Variants in GALNT10 observed in about 807,000 individuals in gnomAD.
GALNT10 encodes the protein polypeptide N-acetylgalactosaminyltransferase 10.
GALNT10 carries 41 observed loss-of-function variants against 75.0 expected under a neutral mutation model. That is an observed-to-expected ratio of 0.55 (90% CI 0.43 to 0.71). GALNT10 has a LOEUF of 0.71. GALNT10 is among the 30% of genes least tolerant of loss of function. The pLI is 0.00. For missense variants in GALNT10, 727 were observed against 818.5 expected (o/e 0.89, Z 1.36); for synonymous variants, 302 against 313.0 (o/e 0.96, Z 0.37).
At chr5:154,289,180 C>G (rs1427623372) in intron 1 of GALNT10, among the ~76,000 whole-genome samples, 2 of 152,132 alleles carry the variant, frequency 1.3e-5, no homozygotes, top group African/African-American at 4.8e-5. Flanking sequence ...AGTTGCTCAC[C>G]TTTACTAGGA....
chr5:154,361,306 T>TG (rs11418198), intron 4 of GALNT10, among the ~76,000 whole-genome samples: 11,177 of 152,234 alleles, frequency 0.073, 904 homozygotes, highest in African/African-American at 0.2. Flanking sequence ...ATTCAGTCCC[T>TG]GCTCTGTCAC....
chr5:154,218,359 G>A (rs761137366), intron 1 of GALNT10, among the ~76,000 whole-genome samples: 22 of 152,148 alleles, frequency 1.4e-4, no homozygotes, highest in Admixed American at 6.5e-5. Context: ...GGGATCAATA[G>A]CAGTGAAGAG....
intron 3 of GALNT10, 136 bp from the exon 4 acceptor site, chr5:154,329,436 G>T (rs1477617778): frequency 1.5e-5 from 10 of 661,728 alleles, no homozygotes; most frequent in Non-Finnish European, 2.4e-5. Context: ...TGTGACCAAG[G>T]TATCCCTGGA....
intron 4 of GALNT10, among the ~76,000 whole-genome samples, chr5:154,358,081 G>A (rs956886518): frequency 2.0e-5 from 3 of 152,096 alleles, no homozygotes; most frequent in Non-Finnish European, 2.9e-5. Context: ...ACCTCTACCC[G>A]GCAGTTCACA....
chr5:154,348,151 G>T (rs1445942311), intron 4 of GALNT10, among the ~76,000 whole-genome samples: 1 of 152,220 alleles, frequency 6.6e-6, no homozygotes, highest in Non-Finnish European at 1.5e-5. Flanking sequence ...CACGGCTCAA[G>T]CCCCAAAATA....
intron 3 of GALNT10, among the ~76,000 whole-genome samples, chr5:154,312,897 C>T (rs913900831): frequency 6.6e-6 from 1 of 152,174 alleles, no homozygotes; most frequent in Non-Finnish European, 1.5e-5. Flanking sequence ...TTCCTGCTGT[C>T]ATCCTTGGTT....
chr5:154,278,437 C>G (rs182122868), intron 1 of GALNT10, among the ~76,000 whole-genome samples: 25 of 152,008 alleles, frequency 1.6e-4, no homozygotes, highest in South Asian at 4.1e-4. Flanking sequence ...CTTCAAAGAG[C>G]CTTTAATATG....
At chr5:154,212,967 C>CAA (rs761996348) in intron 1 of GALNT10, among the ~76,000 whole-genome samples, 3 of 28,750 alleles carry the variant, frequency 1.0e-4, no homozygotes, top group Non-Finnish European at 1.7e-4. Context: ...GATTCCATCT[C>CAA]AAAAAAAAAA....
rs986989327 is a variant in GALNT10, at chr5:154,376,925, C to T, written c.754+463C>T. Among the ~76,000 whole-genome samples the T allele has an allele frequency of 6.6e-6, 1 of 152,198 alleles. No individual in the cohort carries two copies. Among genetic ancestry groups the T allele is most frequent in the African/African-American group, 2.4e-5 (1 of 41,444 alleles). The stretch of plus-strand genomic sequence containing the variant: ...AACCATGCAGGTCAAAAGTATACCC[C>T]TTATGTAGTAAAACAAACTAAGATT... On this transcript the variant is annotated intron_variant, in intron 5 of 11. Coordinates refer to ENST00000297107, the MANE Select transcript of GALNT10 (RefSeq NM_198321.4). This position sits in a 1 kb window ranked among gnomAD's most constrained non-coding sequence, Gnocchi z 4.1.
At chr5:154,310,694 A>T (rs1754503693) in intron 3 of GALNT10, among the ~76,000 whole-genome samples, 1 of 151,356 alleles carries the variant, frequency 6.6e-6, no homozygotes, top group African/African-American at 2.4e-5. Context: ...CTGGTCTGGA[A>T]CTCCTGACCT....
At chr5:154,211,481 T>C (rs1197368944) in intron 1 of GALNT10, among the ~76,000 whole-genome samples, 1 of 152,248 alleles carries the variant, frequency 6.6e-6, no homozygotes, top group Non-Finnish European at 1.5e-5. Context: ...TTACTCCTTC[T>C]GCTGTGAAAC....
At position 154,233,344 on chromosome 5, in the gene GALNT10, G is replaced by A. The variant is rs568880796; in HGVS notation, c.159+42319G>A. ...TTGTCCTTTGAGTGCGGCAGAAATG[G>A]TATTACAAGGAAATAAATGAATAAT... On this transcript the variant is annotated intron_variant, in intron 1 of 11. Transcript: ENST00000297107. 3.9e-5 allele frequency among the ~76,000 whole-genome samples: 6 copies of A among 152,224 alleles called. No individual in the cohort carries two copies. In the South Asian group the frequency reaches 1.2e-3, roughly 32 times the overall value.
intron 3 of GALNT10, among the ~76,000 whole-genome samples, chr5:154,309,173 A>G (rs1331645946): frequency 6.6e-6 from 1 of 152,206 alleles, no homozygotes; most frequent in African/African-American, 2.4e-5. Flanking sequence ...GAGGCCTAGC[A>G]GGAAAGTTGA....
intron 1 of GALNT10, among the ~76,000 whole-genome samples, chr5:154,260,109 G>A (rs549617940): frequency 1.1e-4 from 17 of 152,110 alleles, no homozygotes; most frequent in African/African-American, 3.9e-4. Flanking sequence ...GTGTGCAGGG[G>A]CCACTTTGGC....
intron 1 of GALNT10, among the ~76,000 whole-genome samples, chr5:154,228,042 C>T (rs1047310080): frequency 2.0e-5 from 3 of 152,112 alleles, no homozygotes; most frequent in African/African-American, 7.2e-5. Context: ...GCCATTTTCT[C>T]TCGCTCCTAC....
intron 1 of GALNT10, among the ~76,000 whole-genome samples, chr5:154,222,404 T>C (rs1024796688): frequency 3.9e-5 from 6 of 152,218 alleles, no homozygotes; most frequent in African/African-American, 1.2e-4. Flanking sequence ...CTTTGGGTTA[T>C]TACAAATAAA....
intron 1 of GALNT10, 37 bp downstream of exon 1, chr5:154,191,062 C>T: frequency 1.5e-6 from 2 of 1,334,546 alleles, no homozygotes; most frequent in South Asian, 1.6e-5. Context: ...GGAACACCCC[C>T]TTCCCGAATT....
At chr5:154,272,425 G>T (rs1050965495) in intron 1 of GALNT10, among the ~76,000 whole-genome samples, 12 of 150,554 alleles carry the variant, frequency 8.0e-5, no homozygotes, top group Non-Finnish European at 1.8e-4. Flanking sequence ...TCCTCTTCAG[G>T]AGCCTCAAAA....
chr5:154,233,992 G>A (rs960996107), intron 1 of GALNT10, among the ~76,000 whole-genome samples: 3 of 152,004 alleles, frequency 2.0e-5, no homozygotes, highest in Non-Finnish European at 2.9e-5. Flanking sequence ...CTCTGGGAGG[G>A]GCCCTAGCAA....
Sources: allele counts gnomAD v4.1 joint callset (sites outside exome capture counted in the v4.1 genomes callset), GRCh38; gene constraint gnomAD v4.1.1; non-coding constraint Gnocchi (gnomAD v3.1); transcripts MANE v1.5; gene names NCBI Gene and HGNC (gene_info 2026-07-23, HGNC 2026-07-21).